NPEPPS: variants seen among roughly 807,000 people sequenced by gnomAD.
NPEPPS encodes the protein aminopeptidase puromycin sensitive.
In NPEPPS, 14 loss-of-function variants were observed where a neutral mutation model predicts 115.5. The ratio of observed to expected loss-of-function variants is 0.12; its 90% confidence interval spans 0.08 to 0.19. NPEPPS has a LOEUF of 0.19. NPEPPS is among the 10% of genes least tolerant of loss of function. NPEPPS has a pLI of 1.00. For synonymous variants in NPEPPS, 285 were observed against 390.6 expected, an observed-to-expected ratio of 0.73 and a Z score of 3.19; for missense variants, 523 against 1,110.8, an observed-to-expected ratio of 0.47 and a Z score of 7.52.
chr17:47,598,993 A>T (rs1360067473), intron 13 of NPEPPS, among the ~76,000 whole-genome samples: 1 of 152,216 alleles, frequency 6.6e-6, no homozygotes, highest in Non-Finnish European at 1.5e-5. Context: ...CTCTAAAAAA[A>T]CTAAAAATAA....
intron 3 of NPEPPS, among the ~76,000 whole-genome samples, chr17:47,575,811 T>C (rs1434077155): frequency 6.6e-6 from 1 of 151,978 alleles, no homozygotes; most frequent in Non-Finnish European, 1.5e-5. Context: ...GGTTTCACTG[T>C]GTTAGCCAGG....
In NPEPPS at chr17:47,537,436, G is replaced by A. The variant is rs368134250; in HGVS notation, c.255+5881G>A. On this transcript the variant is annotated intron_variant, in intron 1 of 22. Transcript: ENST00000322157. The stretch of plus-strand genomic sequence containing the variant: ...AGGCTGGGTGTGGTGGCTCACGCCT[G>A]TAATCCCAGCACTTTGGGAGGCTGA... 3.5e-4 allele frequency among the ~76,000 whole-genome samples: 54 copies of A among 152,256 alleles called. 1 individual carries two copies. The highest frequency in any genetic ancestry group is 1.2e-3 in the African/African-American group (50 of 41,562).
rs1909161030 is a variant in NPEPPS, at chr17:47,545,833, C to T, written c.256-76C>T. On this transcript the variant is annotated intron_variant, in intron 1 of 22. Transcript: ENST00000322157. ...AAGTGCTGGGATTACAGGTGTGTGC[C>T]AACACACCTGGCCAAGTTGTATATA... The T allele has an allele frequency of 2.7e-6, 4 of 1,467,562 alleles. No homozygotes were observed. In the African/African-American group the frequency reaches 4.2e-5, roughly 15 times the overall value. 90.9% of individuals were successfully genotyped at this position (1,467,562 alleles called of 1,614,324 possible). A position where few individuals can be genotyped will look rare whatever the true frequency, so the allele number is the denominator to read the frequency against.
At chr17:47,530,821 A>G (rs1163579058), upstream of NPEPPS, among the ~76,000 whole-genome samples, 2 of 151,924 alleles carry the variant, frequency 1.3e-5, no homozygotes, top group African/African-American at 2.4e-5. Flanking sequence ...CCCTGGCTGA[A>G]CTGACCAACT....
chr17:47,552,901 G>A (rs1331938043), intron 2 of NPEPPS, among the ~76,000 whole-genome samples: 2 of 152,132 alleles, frequency 1.3e-5, no homozygotes, highest in Non-Finnish European at 2.9e-5. Context: ...CACAGAGAGG[G>A]TATCTACTTT....
intron 19 of NPEPPS, among the ~76,000 whole-genome samples, chr17:47,615,390 A>T (rs1320196751): frequency 6.6e-6 from 1 of 152,114 alleles, no homozygotes; most frequent in Non-Finnish European, 1.5e-5. Context: ...TTCTAAGAAT[A>T]TAAAAGTTAT....
chr17:47,540,479 G>A (rs1008870477), intron 1 of NPEPPS, among the ~76,000 whole-genome samples: 1 of 152,230 alleles, frequency 6.6e-6, no homozygotes, highest in African/African-American at 2.4e-5. Flanking sequence ...CATCAGGTCA[G>A]CACTACTGTT....
At chr17:47,593,336 C>T (rs2644328) in intron 12 of NPEPPS, among the ~76,000 whole-genome samples, 5 of 152,026 alleles carry the variant, frequency 3.3e-5, no homozygotes, top group Admixed American at 2.0e-4. Flanking sequence ...CCAGGATGTG[C>T]GGACTGATTG....
intron 2 of NPEPPS, among the ~76,000 whole-genome samples, chr17:47,549,235 C>T (rs1327853649): frequency 1.3e-5 from 2 of 150,948 alleles, no homozygotes; most frequent in Non-Finnish European, 3.0e-5. Flanking sequence ...CCCAGCTACT[C>T]GGGAGGCTGA....
At chr17:47,588,383 G>A (rs1426199493) in intron 9 of NPEPPS, among the ~76,000 whole-genome samples, 3 of 152,046 alleles carry the variant, frequency 2.0e-5, no homozygotes, top group East Asian at 1.9e-4. Flanking sequence ...CCAATGTTGC[G>A]AAACCCCATC....
rs1914595413 is a variant in NPEPPS at position 47,621,899 on chromosome 17, G to A, written c.2739G>A (p.Lys913=). The change falls in exon 23 of 23, where the codon AAG becomes AAA. Residue 913 remains lysine, a synonymous_variant. Coordinates refer to ENST00000322157, the MANE Select transcript of NPEPPS (RefSeq NM_006310.4). ...TCCACCAGTACCTCCTTCAGCGGAA[G>A]GCCTCACCACCCACAGTGTGAATCC... ...ESIHQYLLQR[K]ASPPTV The A allele has an allele frequency of 6.2e-7, 1 of 1,612,896 alleles. No individual in the cohort carries two copies. The highest frequency in any genetic ancestry group is 8.5e-7 in the Non-Finnish European group (1 of 1,179,394).
chr17:47,558,779 A>T (rs1242015310), intron 2 of NPEPPS, among the ~76,000 whole-genome samples: 2 of 151,982 alleles, frequency 1.3e-5, no homozygotes, highest in Non-Finnish European at 2.9e-5. Context: ...TGACGCTTGT[A>T]ATCCCAGCAC....
At chr17:47,546,427 A>G (rs1175713615) in intron 2 of NPEPPS, among the ~76,000 whole-genome samples, 1 of 152,222 alleles carries the variant, frequency 6.6e-6, no homozygotes, top group East Asian at 1.9e-4. Flanking sequence ...CCCTGACTCA[A>G]AAAAAGAAAA....
chr17:47,544,255 C>A (rs1909019502), intron 1 of NPEPPS, among the ~76,000 whole-genome samples: 1 of 151,998 alleles, frequency 6.6e-6, no homozygotes, highest in Non-Finnish European at 1.5e-5. Context: ...CCAGGCTGGT[C>A]TTGAATTCCT....
At chr17:47,551,335 G>A (rs1231853788) in intron 2 of NPEPPS, among the ~76,000 whole-genome samples, 1 of 151,828 alleles carries the variant, frequency 6.6e-6, no homozygotes, top group Non-Finnish European at 1.5e-5. Flanking sequence ...TGATTCCCTT[G>A]CATATAATAA....
intron 1 of NPEPPS, among the ~76,000 whole-genome samples, chr17:47,544,096 G>A (rs111379683): frequency 3.3e-5 from 5 of 151,460 alleles, no homozygotes; most frequent in African/African-American, 9.7e-5. Context: ...GGGTTTCACC[G>A]TGTTAGCCAG....
upstream of NPEPPS, among the ~76,000 whole-genome samples, chr17:47,530,446 T>A (rs28457024): frequency 5.8e-3 from 767 of 132,542 alleles, 11 homozygotes; most frequent in African/African-American, 0.021. Context: ...AAGCTCCGCC[T>A]CCCGGGTTCA....
At chr17:47,620,984 A>T (rs1477812728) in intron 22 of NPEPPS, among the ~76,000 whole-genome samples, 1 of 152,034 alleles carries the variant, frequency 6.6e-6, no homozygotes, top group Non-Finnish European at 1.5e-5. Context: ...AGAGTTCAAG[A>T]CCAGTCTGGG....
chr17:47,574,870 A>G (rs1259280909), intron 3 of NPEPPS, among the ~76,000 whole-genome samples: 1 of 152,006 alleles, frequency 6.6e-6, no homozygotes, highest in African/African-American at 2.4e-5. Context: ...CATCCTCCCA[A>G]ATGTTGAGAT....
Sources: allele counts gnomAD v4.1 joint callset (sites outside exome capture counted in the v4.1 genomes callset), GRCh38; gene constraint gnomAD v4.1.1; transcripts MANE v1.5; gene names NCBI Gene and HGNC (gene_info 2026-07-23, HGNC 2026-07-21).